Variants in EFR3A observed in about 807,000 individuals in gnomAD.
EFR3A encodes the protein EFR3 homolog A.
A neutral mutation model predicts 104.4 loss-of-function variants in EFR3A; 76 were observed. The observed-to-expected ratio is 0.73, with a 90% CI of 0.60 to 0.88. The LOEUF (loss-of-function observed/expected upper bound fraction) is 0.88. Among genes scored for constraint, EFR3A ranks in the 40% least tolerant of loss-of-function variants. The pLI, the probability that EFR3A is intolerant of heterozygous loss-of-function variation, is 0.00. For missense variants in EFR3A, 985 were observed against 1,012.5 expected (o/e 0.97, Z 0.37); for synonymous variants, 330 against 330.0 (o/e 1.00, Z 0.00).
intron 1 of EFR3A, among the ~76,000 whole-genome samples, chr8:131,917,790 G>A (rs559530944): frequency 1.4e-4 from 22 of 151,968 alleles, no homozygotes; most frequent in African/African-American, 5.3e-4. Context: ...TTTTCCATGC[G>A]TCAGTAGTAG....
chr8:131,940,442 A>T (rs1260805618), intron 1 of EFR3A, 57 bp from the exon 2 acceptor site: 1 of 1,468,260 alleles, frequency 6.8e-7, no homozygotes, highest in Admixed American at 2.1e-5. Context: ...TTGAATTTCC[A>T]GGCCTGTTTA....
chr8:131,966,866 G>A (rs1819767764), intron 8 of EFR3A, among the ~76,000 whole-genome samples: 2 of 152,068 alleles, frequency 1.3e-5, no homozygotes, highest in Non-Finnish European at 2.9e-5. Context: ...ACTGTATTAC[G>A]TCTTCTCACT....
chr8:131,984,074 A>G lies in EFR3A; in HGVS notation c.1576-65A>G, dbSNP rs928574337. ...ATAGCTACACTGTAAAAGTATATGC[A>G]TGTGAAATCTGCCTTTTCTACATTT... On this transcript the variant is annotated intron_variant, in intron 14 of 22. Coordinates refer to ENST00000254624, the MANE Select transcript of EFR3A (RefSeq NM_015137.6). 4.9e-6 allele frequency: 7 copies of G among 1,431,680 alleles called. No homozygotes were observed. The African/African-American group carries it at 8.5e-5, about 17-fold the overall frequency. The allele number at this position is 1,431,680 out of a possible 1,614,324, so 88.7% of individuals were successfully genotyped here.
At chr8:131,961,077 A>G (rs1250726655) in intron 8 of EFR3A, among the ~76,000 whole-genome samples, 1 of 152,218 alleles carries the variant, frequency 6.6e-6, no homozygotes, top group East Asian at 1.9e-4. Context: ...ACCATCATAA[A>G]AGACCAAAGG....
chr8:131,960,418 G>A (rs1819249560), intron 8 of EFR3A, among the ~76,000 whole-genome samples: 1 of 152,030 alleles, frequency 6.6e-6, no homozygotes, highest in South Asian at 2.1e-4. Flanking sequence ...GGGTGGGGCT[G>A]GAACCTATCC....
intron 12 of EFR3A, 68 bp from the exon 13 acceptor site, chr8:131,978,779 A>G: frequency 8.3e-7 from 1 of 1,210,936 alleles, no homozygotes; most frequent in South Asian, 2.7e-5. Context: ...TTCTTATAAA[A>G]GAATATGAGA....
rs944513208 is a variant in EFR3A, at chr8:131,904,161, C to T, written c.-152C>T. 1.3e-5 allele frequency: 12 copies of T among 912,418 alleles called. No individual in the cohort carries two copies. Among genetic ancestry groups the T allele is most frequent in the African/African-American group, 1.7e-5 (1 of 57,726 alleles). 56.5% of individuals were successfully genotyped at this position (912,418 alleles called of 1,614,324 possible). On this transcript the variant is annotated 5_prime_UTR_variant, in exon 1 of 23. Coordinates refer to ENST00000254624, the MANE Select transcript of EFR3A (RefSeq NM_015137.6). Reference sequence around the variant, plus strand: ...TGTCGCCCGCTTGGTTGCGTGACCGCGGGGTCCGCGTCCGCTCCCTCCACC... The same window carrying T: ...TGTCGCCCGCTTGGTTGCGTGACCGTGGGGTCCGCGTCCGCTCCCTCCACC...
In EFR3A at chr8:132,012,118, A is replaced by G. The variant is rs528785614; in HGVS notation, c.*1223A>G. 10 of 152,208 alleles carry G rather than the reference A, an allele frequency of 6.6e-5. No homozygotes were observed. The highest frequency in any genetic ancestry group is 1.3e-4 in the Non-Finnish European group (9 of 68,022). The allele number at this position is 152,208 out of a possible 1,614,324, so 9.4% of individuals were successfully genotyped here. On this transcript the variant is annotated 3_prime_UTR_variant, in exon 23 of 23. Coordinates refer to ENST00000254624, the MANE Select transcript of EFR3A (RefSeq NM_015137.6). ...CATAAAATTCTCTTAGGACATTTTT[A>G]TAAAGTCACCTGTTTATAGTTCTAT...
In EFR3A at chr8:131,958,922, T is replaced by C. The variant is rs539128964; in HGVS notation, c.777-663T>C. ...CTTTTACCCTATGAAATGGATGTTA[T>C]TATCCCCATTTTCCAGGTCAGAGAA... On this transcript the variant is annotated intron_variant, in intron 7 of 22. Coordinates refer to ENST00000254624, the MANE Select transcript of EFR3A (RefSeq NM_015137.6). Among the ~76,000 whole-genome samples, 43 of 152,308 alleles carry C rather than the reference T, an allele frequency of 2.8e-4. 1 individual carries two copies. In the South Asian group the frequency reaches 8.3e-3, roughly 29 times the overall value.
chr8:131,983,193 A>C (rs568325034), intron 14 of EFR3A, among the ~76,000 whole-genome samples: 1 of 152,344 alleles, frequency 6.6e-6, no homozygotes, highest in East Asian at 1.9e-4. Flanking sequence ...TTAAGCCTAA[A>C]GTCTCTCCAC....
At chr8:131,938,877 C>T (rs904593072) in intron 1 of EFR3A, among the ~76,000 whole-genome samples, 3 of 151,990 alleles carry the variant, frequency 2.0e-5, no homozygotes, top group African/African-American at 7.2e-5. Context: ...CAGAGAGTTA[C>T]GATAGGAGTG....
chr8:131,923,387 T>G (rs1048939964), intron 1 of EFR3A, among the ~76,000 whole-genome samples: 1 of 152,076 alleles, frequency 6.6e-6, no homozygotes, highest in African/African-American at 2.4e-5. Flanking sequence ...TCTTTTCTAT[T>G]CTCAATATTT....
chr8:131,936,234 G>C (rs2130529616), intron 1 of EFR3A, among the ~76,000 whole-genome samples: 1 of 152,198 alleles, frequency 6.6e-6, no homozygotes, highest in South Asian at 2.1e-4. Context: ...GATGTTAGGG[G>C]AGCAAAGGAG....
intron 18 of EFR3A, among the ~76,000 whole-genome samples, chr8:131,992,903 G>A (rs1821268763): frequency 6.6e-6 from 1 of 152,162 alleles, no homozygotes. Flanking sequence ...TATGTGGTTA[G>A]TGTTTTAAGA....
chr8:131,951,586 G>A (rs1283765493), intron 5 of EFR3A, among the ~76,000 whole-genome samples: 1 of 152,016 alleles, frequency 6.6e-6, no homozygotes, highest in African/African-American at 2.4e-5. Flanking sequence ...AAAATATCTG[G>A]AATGTAGTAC....
intron 9 of EFR3A, among the ~76,000 whole-genome samples, chr8:131,969,622 A>G (rs998804472): frequency 6.6e-6 from 1 of 151,874 alleles, no homozygotes; most frequent in African/African-American, 2.4e-5. Context: ...TGGAGGACCA[A>G]CTGTATTCCT....
chr8:131,961,486 T>C (rs1819324452), intron 8 of EFR3A, among the ~76,000 whole-genome samples: 1 of 151,926 alleles, frequency 6.6e-6, no homozygotes, highest in South Asian at 2.1e-4. Flanking sequence ...ATGAATGAAA[T>C]GAAGCGAGAA....
intron 14 of EFR3A, 126 bp downstream of exon 14, chr8:131,979,547 G>A (rs1461360568): frequency 1.6e-6 from 1 of 640,730 alleles, no homozygotes; most frequent in Non-Finnish European, 2.7e-6. Flanking sequence ...AAGACCTCAA[G>A]ACGCCATCTT....
rs1031972155 is a variant in EFR3A at position 132,011,127 on chromosome 8, C to T, written c.*232C>T. The T allele has an allele frequency of 8.4e-7, 1 of 1,190,320 alleles. No homozygotes were observed. 73.7% of individuals were successfully genotyped at this position (1,190,320 alleles called of 1,614,324 possible). ...TAATTTGCTTTGAGGTTCCTGTTGCCTTTTTAAGTTGAACATGTTTTGGTT... is the reference window on the plus strand; with the variant it reads ...TAATTTGCTTTGAGGTTCCTGTTGCTTTTTTAAGTTGAACATGTTTTGGTT... On this transcript the variant is annotated 3_prime_UTR_variant, in exon 23 of 23. Transcript: ENST00000254624.
Sources: gnomAD v4.1 joint callset for allele counts (sites outside exome capture counted in the v4.1 genomes callset) on GRCh38, gnomAD v4.1.1 for gene constraint, MANE v1.5 for transcripts, NCBI Gene and HGNC (gene_info 2026-07-23, HGNC 2026-07-21) for gene names.